The following STYK1 variants were observed in gnomAD, a reference collection of about 807,000 sequenced individuals.
STYK1 encodes STY kinase 1.
Under a neutral mutation model 48.1 loss-of-function variants are expected in STYK1, and 46 were observed. That is an observed-to-expected ratio of 0.96 (90% confidence interval 0.75 to 1.22). STYK1 has a LOEUF of 1.22. Ranked by LOEUF, STYK1 falls within the 50% of genes most tolerant of loss-of-function variation. The pLI is 0.00. For missense variants in STYK1, 527 were observed against 521.1 expected (o/e 1.01, Z -0.11); for synonymous variants, 188 against 189.0 (o/e 0.99, Z 0.04).
At chr12:10,668,439 G>A (rs1479900634) in intron 1 of STYK1, among the ~76,000 whole-genome samples, 3 of 149,792 alleles carry the variant, frequency 2.0e-5, no homozygotes, top group South Asian at 2.1e-4. Context: ...GCAGTGGTAC[G>A]ATCTTGGCTC....
chr12:10,660,246 T>C (rs1947761736), intron 1 of STYK1, among the ~76,000 whole-genome samples: 1 of 152,202 alleles, frequency 6.6e-6, no homozygotes, highest in African/African-American at 2.4e-5. Flanking sequence ...TGAACACTTA[T>C]TAATCTTCCA....
intron 3 of STYK1, 57 bp downstream of exon 3, chr12:10,634,510 C>T (rs567134697): frequency 6.5e-7 from 1 of 1,548,756 alleles, no homozygotes; most frequent in Non-Finnish European, 8.9e-7. Flanking sequence ...TCTACCGAGA[C>T]CTTAGCCTTC....
chr12:10,651,061 T>A (rs1002050524), intron 1 of STYK1, among the ~76,000 whole-genome samples: 6 of 150,848 alleles, frequency 4.0e-5, no homozygotes, highest in African/African-American at 1.5e-4. Flanking sequence ...GTTTTGGGTG[T>A]GTGAGGTGTG....
At chr12:10,663,696 C>T (rs1285003186) in intron 1 of STYK1, among the ~76,000 whole-genome samples, 2 of 145,732 alleles carry the variant, frequency 1.4e-5, no homozygotes, top group African/African-American at 5.0e-5. Flanking sequence ...GCTATTCTGA[C>T]TCCCTTGCGT....
Position 10,619,733 on chromosome 12 carries a change from C to T in STYK1, c.*411G>A. ...CAAGAAGAACCTTAAATTTTCTTTCCCTTCAACTCTTTTATTGGATTTCTA... is the reference window on the plus strand; with the variant it reads ...CAAGAAGAACCTTAAATTTTCTTTCTCTTCAACTCTTTTATTGGATTTCTA... On this transcript the variant is annotated 3_prime_UTR_variant, in exon 11 of 11. Coordinates refer to ENST00000075503, the MANE Select transcript of STYK1 (RefSeq NM_018423.3). 3.1e-6 allele frequency: 1 copy of T among 318,462 alleles called. No individual in the cohort carries two copies. Among genetic ancestry groups the T allele is most frequent in the Non-Finnish European group, 5.7e-6 (1 of 175,668 alleles). 19.7% of individuals were successfully genotyped at this position (318,462 alleles called of 1,614,324 possible). A position where few individuals can be genotyped will look rare whatever the true frequency, so the allele number is the denominator to read the frequency against.
chr12:10,629,429 C>A (rs1301196265), intron 6 of STYK1, 64 bp downstream of exon 6: 16 of 1,539,194 alleles, frequency 1.0e-5, no homozygotes, highest in Non-Finnish European at 1.2e-5. Flanking sequence ...CACTAACTGA[C>A]ATGTAAAAAG....
At chr12:10,640,392 A>T (rs112371413) in intron 1 of STYK1, among the ~76,000 whole-genome samples, 2 of 152,206 alleles carry the variant, frequency 1.3e-5, no homozygotes, top group African/African-American at 4.8e-5. Flanking sequence ...GTATTTGTGT[A>T]GATAACTTGC....
chr12:10,646,468 C>A (rs531978111), intron 1 of STYK1, among the ~76,000 whole-genome samples: 1 of 152,282 alleles, frequency 6.6e-6, no homozygotes, highest in African/African-American at 2.4e-5. Flanking sequence ...AAAGAAATTT[C>A]TCAGAAGCAA....
chr12:10,646,189 C>T (rs1419999760), intron 1 of STYK1, among the ~76,000 whole-genome samples: 1 of 152,144 alleles, frequency 6.6e-6, no homozygotes, highest in Non-Finnish European at 1.5e-5. Flanking sequence ...GAAGTTGGAA[C>T]AGTTTGGAGG....
chr12:10,624,765 C>T lies in STYK1; in HGVS notation c.812G>A (p.Gly271Asp). 1 of 1,614,074 alleles carries T rather than the reference C, an allele frequency of 6.2e-7. No individual in the cohort carries two copies. Among genetic ancestry groups the T allele is most frequent in the Non-Finnish European group, 8.5e-7 (1 of 1,180,016 alleles). ...TCGGGTGTAAACTTCATAAGCCAGG[C>T]CTAATCCACAGAGCTTAGCAGTGAG... ...SDLTAKLCGL[G>D]LAYEVYTRGA... The change falls in exon 8 of 11, where the codon GGC (glycine) becomes GAC (aspartate). Residue 271 changes from glycine (G) to aspartate (D), a missense_variant. Transcript: ENST00000075503.
chr12:10,627,843 G>A (rs1947376863), intron 6 of STYK1, 119 bp from the exon 7 acceptor site: 4 of 734,962 alleles, frequency 5.4e-6, no homozygotes, highest in Middle Eastern at 2.6e-4. Flanking sequence ...AAAATATAAG[G>A]ACTAGTGTTC....
At chr12:10,643,650 C>CA (rs1040033548) in intron 1 of STYK1, among the ~76,000 whole-genome samples, 1 of 152,076 alleles carries the variant, frequency 6.6e-6, no homozygotes, top group African/African-American at 2.4e-5. Flanking sequence ...GGAAGGAAGT[C>CA]AAAAAAAGTT....
chr12:10,626,707 G>A (rs145279592), intron 7 of STYK1, among the ~76,000 whole-genome samples: 103 of 152,138 alleles, frequency 6.8e-4, no homozygotes, highest in African/African-American at 2.3e-3. Context: ...CTCTTATCTC[G>A]TTATTTAAGT....
chr12:10,658,187 A>T (rs1473671282), intron 1 of STYK1, among the ~76,000 whole-genome samples: 1 of 152,204 alleles, frequency 6.6e-6, no homozygotes, highest in African/African-American at 2.4e-5. Flanking sequence ...TCTGCTCCTT[A>T]ACAAAAATTT....
At chr12:10,646,476 C>A (rs1455139854) in intron 1 of STYK1, among the ~76,000 whole-genome samples, 1 of 152,090 alleles carries the variant, frequency 6.6e-6, no homozygotes, top group East Asian at 1.9e-4. Context: ...TTCTCAGAAG[C>A]AAAGCATTCA....
At chr12:10,625,150 G>A (rs1947341282) in intron 7 of STYK1, among the ~76,000 whole-genome samples, 1 of 152,192 alleles carries the variant, frequency 6.6e-6, no homozygotes, top group African/African-American at 2.4e-5. Context: ...CGTTTCCCGT[G>A]AGAAAGGACC....
At chr12:10,621,568 T>C (rs540066334) in intron 10 of STYK1, among the ~76,000 whole-genome samples, 1 of 152,308 alleles carries the variant, frequency 6.6e-6, no homozygotes, top group African/African-American at 2.4e-5. Flanking sequence ...TTACCTATTT[T>C]AGAAGCTTCC....
At chr12:10,670,854 T>G (rs920657772) in intron 1 of STYK1, among the ~76,000 whole-genome samples, 2 of 149,544 alleles carry the variant, frequency 1.3e-5, no homozygotes, top group Non-Finnish European at 3.0e-5. Context: ...AATTTTTAAT[T>G]TTTTTAATTA....
Position 10,631,908 on chromosome 12 carries a change from T to C in STYK1, c.188-600A>G, listed in dbSNP as rs528059009. On this transcript the variant is annotated intron_variant, in intron 4 of 10. Coordinates refer to ENST00000075503, the MANE Select transcript of STYK1 (RefSeq NM_018423.3). ...ATTAAATCTACATTTATTCATTTAT[T>C]CAACAAATATCACCTATTACATGCC... Among the ~76,000 whole-genome samples, 7 of 152,340 alleles carry C rather than the reference T, an allele frequency of 4.6e-5. No homozygotes were observed. The South Asian group carries it at 1.2e-3, about 27-fold the overall frequency.
Sources: allele counts gnomAD v4.1 joint callset (sites outside exome capture counted in the v4.1 genomes callset), GRCh38; gene constraint gnomAD v4.1.1; transcripts MANE v1.5; gene names NCBI Gene and HGNC (gene_info 2026-07-23, HGNC 2026-07-21).